PHACTR3: variants seen among roughly 807,000 people sequenced by gnomAD.
PHACTR3 encodes the protein protein phosphatase 1, regulatory subunit 123.
PHACTR3 carries 16 observed loss-of-function variants against 66.8 expected under a neutral mutation model. The ratio of observed to expected loss-of-function variants is 0.24; its 90% CI spans 0.16 to 0.36. The LOEUF (loss-of-function observed/expected upper bound fraction) is 0.36, where lower values mean the gene tolerates loss of function less well. Among genes scored for constraint, PHACTR3 ranks in the 10% least tolerant of loss-of-function variants. The pLI, the probability that PHACTR3 is intolerant of heterozygous loss-of-function variation, is 1.00. For synonymous variants in PHACTR3, 323 were observed against 292.1 expected (o/e 1.11, Z -1.08); for missense variants, 647 against 719.9 (o/e 0.90, Z 1.16).
chr20:59,629,882 C>T (rs558709783), intron 1 of PHACTR3, among the ~76,000 whole-genome samples: 3 of 152,306 alleles, frequency 2.0e-5, no homozygotes, highest in Admixed American at 1.3e-4. Context: ...CACCCAACTC[C>T]CCGTGATGGC....
chr20:59,622,660 C>T (rs1353086866), intron 1 of PHACTR3, among the ~76,000 whole-genome samples: 3 of 152,038 alleles, frequency 2.0e-5, no homozygotes, highest in African/African-American at 7.2e-5. Context: ...CACAGAGAGG[C>T]CGTGTGTGTC....
At chr20:59,757,370 T>C (rs1178849743) in intron 4 of PHACTR3, among the ~76,000 whole-genome samples, 1 of 152,208 alleles carries the variant, frequency 6.6e-6, no homozygotes, top group South Asian at 2.1e-4. Context: ...AGTGGGTCTG[T>C]TGAGATTACA....
rs138185456 is a variant in PHACTR3, at chr20:59,717,800, G to A, written c.119-25307G>A. Reference sequence around the variant, plus strand: ...CCAGAATGGCATTTTTTAGAAGTCTGAAGTCTAAGAAAACCTCTGCAAAAA... The same window carrying A: ...CCAGAATGGCATTTTTTAGAAGTCTAAAGTCTAAGAAAACCTCTGCAAAAA... On this transcript the variant is annotated intron_variant, in intron 1 of 12. Coordinates refer to ENST00000371015, the MANE Select transcript of PHACTR3 (RefSeq NM_080672.5). Among the ~76,000 whole-genome samples, 169 of 152,336 alleles carry A rather than the reference G, an allele frequency of 1.1e-3. 3 individuals carry two copies. The East Asian group carries it at 0.025, about 23-fold the overall frequency.
intron 1 of PHACTR3, among the ~76,000 whole-genome samples, chr20:59,589,602 T>C (rs2033132983): frequency 6.6e-6 from 1 of 152,214 alleles, no homozygotes; most frequent in African/African-American, 2.4e-5. Flanking sequence ...GGGGTGCTGG[T>C]GGCATGAATC....
At chr20:59,746,771 G>T (rs542828650) in intron 2 of PHACTR3, among the ~76,000 whole-genome samples, 15 of 152,358 alleles carry the variant, frequency 9.8e-5, no homozygotes, top group African/African-American at 3.1e-4. Flanking sequence ...AGGGTTAATG[G>T]CAGGATCACG....
chr20:59,790,156 G>A (rs973183412), intron 7 of PHACTR3, among the ~76,000 whole-genome samples: 81 of 152,078 alleles, frequency 5.3e-4, no homozygotes, highest in African/African-American at 1.9e-3. Context: ...AGGGGTACAT[G>A]TGCAGGTTTG....
chr20:59,745,282 A>AG (rs1432447991), intron 2 of PHACTR3, among the ~76,000 whole-genome samples: 1 of 152,090 alleles, frequency 6.6e-6, no homozygotes, highest in Non-Finnish European at 1.5e-5. Flanking sequence ...CCGTGACCTC[A>AG]GGGGGGTCTC....
chr20:59,713,678 A>T (rs1262149326), intron 1 of PHACTR3, among the ~76,000 whole-genome samples: 1 of 150,736 alleles, frequency 6.6e-6, no homozygotes, highest in Non-Finnish European at 1.5e-5. Flanking sequence ...CATTTGTGTT[A>T]TTTCTAGTAT....
intron 1 of PHACTR3, among the ~76,000 whole-genome samples, chr20:59,666,862 G>A (rs1259366877): frequency 6.6e-6 from 1 of 152,232 alleles, no homozygotes; most frequent in Admixed American, 6.5e-5. Context: ...GATCAAACTG[G>A]TCTGAGTGGG....
At chr20:59,586,556 G>C (rs909698065) in intron 1 of PHACTR3, among the ~76,000 whole-genome samples, 1 of 151,998 alleles carries the variant, frequency 6.6e-6, no homozygotes, top group Non-Finnish European at 1.5e-5. Context: ...TTAAACATTG[G>C]GATGATAAAA....
chr20:59,615,957 G>GA (rs1432807323), intron 1 of PHACTR3, among the ~76,000 whole-genome samples: 1 of 152,138 alleles, frequency 6.6e-6, no homozygotes, highest in Non-Finnish European at 1.5e-5. Flanking sequence ...CCTGGAGTCA[G>GA]AATCACCTTG....
chr20:59,675,432 G>C (rs1287794942), intron 1 of PHACTR3, among the ~76,000 whole-genome samples: 1 of 152,090 alleles, frequency 6.6e-6, no homozygotes, highest in African/African-American at 2.4e-5. Context: ...GGGCTCTTGG[G>C]GTGTCAGGGG....
At chr20:59,800,541 T>C (rs542533768) in intron 7 of PHACTR3, among the ~76,000 whole-genome samples, 15 of 152,216 alleles carry the variant, frequency 9.9e-5, no homozygotes, top group Non-Finnish European at 1.3e-4. Context: ...TCTTTGTTAC[T>C]CTATACAGTG....
intron 1 of PHACTR3, among the ~76,000 whole-genome samples, chr20:59,678,009 C>T (rs769025291): frequency 2.0e-5 from 3 of 152,220 alleles, no homozygotes; most frequent in Non-Finnish European, 4.4e-5. Flanking sequence ...TTGAATCTCA[C>T]AACTTTCACC....
intron 1 of PHACTR3, among the ~76,000 whole-genome samples, chr20:59,717,198 GTGTT>G (rs961993450): frequency 2.6e-4 from 40 of 152,276 alleles, no homozygotes; most frequent in Admixed American, 9.8e-4. Context: ...GGGCCCTTGA[GTGTT>G]TATTTAGTGT....
intron 1 of PHACTR3, among the ~76,000 whole-genome samples, chr20:59,720,396 C>T (rs1050792802): frequency 6.6e-6 from 1 of 152,220 alleles, no homozygotes; most frequent in South Asian, 2.1e-4. Flanking sequence ...GCTCTTCTGT[C>T]TCTCAATTCC....
At chr20:59,807,479 TG>T (rs542864407) in intron 8 of PHACTR3, among the ~76,000 whole-genome samples, 41 of 152,318 alleles carry the variant, frequency 2.7e-4, no homozygotes, top group African/African-American at 9.1e-4. Flanking sequence ...AGGGACCTGC[TG>T]GAGGCTGCTT....
chr20:59,655,590 A>G (rs1568963176), intron 1 of PHACTR3, among the ~76,000 whole-genome samples: 1 of 151,886 alleles, frequency 6.6e-6, no homozygotes, highest in East Asian at 1.9e-4. Flanking sequence ...TTGATCCTTC[A>G]AAGAACCAAC....
chr20:59,714,372 A>T (rs187860589), intron 1 of PHACTR3, among the ~76,000 whole-genome samples: 6 of 152,290 alleles, frequency 3.9e-5, no homozygotes, highest in Non-Finnish European at 5.9e-5. Context: ...TATGTATGGT[A>T]TGAGGGAGGG....
Sources: gnomAD v4.1 joint callset for allele counts (sites outside exome capture counted in the v4.1 genomes callset) on GRCh38, gnomAD v4.1.1 for gene constraint, MANE v1.5 for transcripts, NCBI Gene and HGNC (gene_info 2026-07-23, HGNC 2026-07-21) for gene names.